Variants in IMMP2L observed in about 807,000 individuals in gnomAD.
IMMP2L encodes the protein mitochondrial inner membrane protease subunit 2.
IMMP2L carries 18 observed loss-of-function variants against 19.3 expected under a neutral mutation model. The observed-to-expected ratio is 0.93, with a 90% confidence interval of 0.64 to 1.38. IMMP2L has a LOEUF of 1.38. Among genes scored for constraint, IMMP2L ranks in the 40% most tolerant of loss-of-function variants. The probability of loss-of-function intolerance (pLI) is 0.00; values close to 1 mark genes in which losing one functional copy is unlikely to be tolerated. For missense variants in IMMP2L, 233 were observed against 218.2 expected (o/e 1.07, Z -0.43); for synonymous variants, 76 against 73.0 (o/e 1.04, Z -0.21).
intron 3 of IMMP2L, among the ~76,000 whole-genome samples, chr7:110,989,905 A>G (rs2129559409): frequency 6.6e-6 from 1 of 152,152 alleles, no homozygotes; most frequent in African/African-American, 2.4e-5. Context: ...TTCAATAAAG[A>G]AAAAAATTCT....
chr7:111,194,698 A>G (rs1809285671), intron 3 of IMMP2L, among the ~76,000 whole-genome samples: 1 of 152,194 alleles, frequency 6.6e-6, no homozygotes, highest in South Asian at 2.1e-4. Context: ...GTTTCTAAAT[A>G]AAAGATTAAC....
At chr7:111,303,331 G>GA (rs1309501507) in intron 3 of IMMP2L, among the ~76,000 whole-genome samples, 1 of 152,046 alleles carries the variant, frequency 6.6e-6, no homozygotes, top group Non-Finnish European at 1.5e-5. Flanking sequence ...TCCTTAAAGA[G>GA]AAAATCACAC....
At position 111,321,086 on chromosome 7, in the gene IMMP2L, A is replaced by AAAAT. The variant is rs369765383; in HGVS notation, c.239+166148_239+166151dup. ...AGTATTCTCCAATCTGCCCAATGGA[A>AAAAT]AAATAAATAAATAACAGCTAAGAGT... is the stretch of plus-strand genomic sequence containing the variant. On this transcript the variant is annotated intron_variant, in intron 3 of 5. Coordinates refer to ENST00000405709, the MANE Select transcript of IMMP2L (RefSeq NM_032549.4). 4.8e-3 allele frequency among the ~76,000 whole-genome samples: 733 copies of AAAAT among 152,114 alleles called. 6 individuals are homozygous for AAAAT. Among genetic ancestry groups the AAAAT allele is most frequent in the African/African-American group, 0.016 (682 of 41,518 alleles).
chr7:111,028,993 A>T (rs1585837194), intron 3 of IMMP2L, among the ~76,000 whole-genome samples: 1 of 152,302 alleles, frequency 6.6e-6, no homozygotes, highest in African/African-American at 2.4e-5. Flanking sequence ...TTAAAATTAT[A>T]CTTACATAAA....
chr7:111,109,216 T>C (rs907211584), intron 3 of IMMP2L, among the ~76,000 whole-genome samples: 4 of 152,130 alleles, frequency 2.6e-5, no homozygotes, highest in East Asian at 1.9e-4. Flanking sequence ...AACATGTTCA[T>C]TGCCAGCTAC....
intron 3 of IMMP2L, among the ~76,000 whole-genome samples, chr7:111,026,866 G>A (rs1826882928): frequency 6.6e-6 from 1 of 152,108 alleles, no homozygotes; most frequent in African/African-American, 2.4e-5. Flanking sequence ...GGTAGATAAT[G>A]CTGGTTTTTT....
intron 4 of IMMP2L, among the ~76,000 whole-genome samples, chr7:110,931,468 T>C (rs536845460): frequency 6.6e-6 from 1 of 152,288 alleles, no homozygotes; most frequent in East Asian, 1.9e-4. Flanking sequence ...TTTTCAGTTG[T>C]TCAGATTGAA....
At chr7:111,184,276 T>C (rs1461555826) in intron 3 of IMMP2L, among the ~76,000 whole-genome samples, 3 of 152,092 alleles carry the variant, frequency 2.0e-5, no homozygotes, top group Middle Eastern at 3.4e-3. Context: ...TGTTATTCTA[T>C]ATTCTTTAAT....
intron 4 of IMMP2L, among the ~76,000 whole-genome samples, chr7:110,951,720 G>A (rs1050605997): frequency 2.6e-5 from 4 of 151,912 alleles, no homozygotes; most frequent in Non-Finnish European, 4.4e-5. Flanking sequence ...ACTTCCTATT[G>A]CCTTACTCCA....
chr7:110,964,511 G>C (rs1318373735), intron 3 of IMMP2L, among the ~76,000 whole-genome samples: 2 of 151,940 alleles, frequency 1.3e-5, no homozygotes, highest in African/African-American at 4.8e-5. Context: ...TAAATTGACA[G>C]GTTTTGATAT....
intron 3 of IMMP2L, among the ~76,000 whole-genome samples, chr7:111,485,210 C>T (rs1842526747): frequency 1.3e-5 from 2 of 152,154 alleles, no homozygotes; most frequent in African/African-American, 4.8e-5. Context: ...AGTAACTAAG[C>T]ACTCTTTTAT....
intron 2 of IMMP2L, among the ~76,000 whole-genome samples, chr7:111,502,517 A>AT (rs1203125865): frequency 6.6e-6 from 1 of 151,778 alleles, no homozygotes; most frequent in Non-Finnish European, 1.5e-5. Context: ...CAGAATATAC[A>AT]TTTTTTTTCA....
chr7:111,183,180 T>C (rs374065678), intron 3 of IMMP2L, among the ~76,000 whole-genome samples: 1 of 152,094 alleles, frequency 6.6e-6, no homozygotes, highest in Non-Finnish European at 1.5e-5. Flanking sequence ...ATATTTCAAA[T>C]AAGTAAGTAA....
chr7:111,021,720 T>G (rs1439484822), intron 3 of IMMP2L, among the ~76,000 whole-genome samples: 1 of 152,110 alleles, frequency 6.6e-6, no homozygotes, highest in African/African-American at 2.4e-5. Context: ...CCATCTCTAC[T>G]AAAAATACAA....
intron 4 of IMMP2L, among the ~76,000 whole-genome samples, chr7:110,921,712 G>T (rs1182741247): frequency 6.6e-6 from 1 of 152,118 alleles, no homozygotes; most frequent in Non-Finnish European, 1.5e-5. Flanking sequence ...TAATGTGAAA[G>T]CTTGGATCTT....
chr7:111,270,049 ATGTGTGTC>A (rs1408660062), intron 3 of IMMP2L, among the ~76,000 whole-genome samples: 1 of 132,882 alleles, frequency 7.5e-6, no homozygotes, highest in African/African-American at 3.0e-5. Flanking sequence ...GTGTGCATGC[ATGTGTGTC>A]TGTGTGTGTG....
intron 3 of IMMP2L, among the ~76,000 whole-genome samples, chr7:111,445,848 G>C (rs1053466466): frequency 1.3e-5 from 2 of 152,154 alleles, no homozygotes; most frequent in African/African-American, 2.4e-5. Context: ...CAGTGGGTGC[G>C]CGCACCGTGC....
At chr7:110,862,928 T>A (rs564865198) in intron 5 of IMMP2L, among the ~76,000 whole-genome samples, 1 of 152,070 alleles carries the variant, frequency 6.6e-6, no homozygotes, top group Admixed American at 6.6e-5. Context: ...TATAAAAAAT[T>A]CAGATTCCTG....
intron 5 of IMMP2L, among the ~76,000 whole-genome samples, chr7:110,748,537 G>C (rs1291036468): frequency 6.6e-6 from 1 of 152,142 alleles, no homozygotes; most frequent in East Asian, 1.9e-4. Flanking sequence ...CATGGTACTG[G>C]TATCAAAACA....
Sources: allele counts gnomAD v4.1 joint callset (sites outside exome capture counted in the v4.1 genomes callset), GRCh38; gene constraint gnomAD v4.1.1; transcripts MANE v1.5; gene names NCBI Gene and HGNC (gene_info 2026-07-23, HGNC 2026-07-21).